FLNB: variants seen among roughly 807,000 people sequenced by gnomAD.
FLNB encodes the protein filamin B.
FLNB carries 111 observed loss-of-function variants against 250.6 expected under a neutral mutation model. That is an observed-to-expected ratio of 0.44 (90% CI 0.38 to 0.52). The LOEUF (loss-of-function observed/expected upper bound fraction) is 0.52. Ranked by LOEUF, FLNB falls within the 20% of genes least tolerant of loss-of-function variation. FLNB has a pLI of 0.00. For missense variants in FLNB, 2,869 were observed against 3,447.8 expected (o/e 0.83, Z 4.20); for synonymous variants, 1,302 against 1,372.1 (o/e 0.95, Z 1.13).
intron 1 of FLNB, among the ~76,000 whole-genome samples, chr3:58,059,456 T>C (rs1350892038): frequency 6.6e-6 from 1 of 152,120 alleles, no homozygotes; most frequent in Non-Finnish European, 1.5e-5. Flanking sequence ...TGCTCTGAGA[T>C]GTAGACACTG....
At chr3:58,145,648 G>A (rs959491408) in intron 32 of FLNB, among the ~76,000 whole-genome samples, 1 of 151,986 alleles carries the variant, frequency 6.6e-6, no homozygotes, top group African/African-American at 2.4e-5. Flanking sequence ...AGGTTGGGCT[G>A]GTACCTTACC....
intron 1 of FLNB, among the ~76,000 whole-genome samples, chr3:58,017,142 T>G (rs2097106826): frequency 6.6e-6 from 1 of 152,234 alleles, no homozygotes; most frequent in South Asian, 2.1e-4. Context: ...TCTTTATGAC[T>G]GAAGTGATGA....
At chr3:58,149,558 T>TC (rs1253682429) in intron 36 of FLNB, 2 of 473,066 alleles carry the variant, frequency 4.2e-6, no homozygotes, top group African/African-American at 2.0e-5. Context: ...GGGCAGAAGG[T>TC]CCTCCCCAGC....
intron 1 of FLNB, among the ~76,000 whole-genome samples, chr3:58,028,690 T>C (rs542086984): frequency 1.3e-5 from 2 of 150,556 alleles, no homozygotes; most frequent in East Asian, 4.0e-4. Context: ...CTCAGCTCAC[T>C]GCAACCTCCG....
chr3:58,146,899 GA>G lies in FLNB; in HGVS notation c.5635del (p.Thr1879ProfsTer40). On this transcript the variant is annotated frameshift_variant, in exon 34 of 46. Coordinates refer to ENST00000295956, the MANE Select transcript of FLNB (RefSeq NM_001457.4). LOFTEE classifies it high-confidence loss of function. Reference sequence around the variant, plus strand: ...ACAATAAAGATGGGACATGCACAGTGACCTACCTGCCGACTCTGCCAGGCGA... The same window carrying G: ...ACAATAAAGATGGGACATGCACAGTGCCTACCTGCCGACTCTGCCAGGCGA... ...IDNKDGTCTV[T>X]YLPTLPGDYS... The G allele has an allele frequency of 6.2e-7, 1 of 1,614,184 alleles. No individual in the cohort carries two copies. The highest frequency in any genetic ancestry group is 8.5e-7 in the Non-Finnish European group (1 of 1,180,036).
chr3:58,028,549 G>C (rs543435573), intron 1 of FLNB, among the ~76,000 whole-genome samples: 62 of 151,636 alleles, frequency 4.1e-4, no homozygotes, highest in African/African-American at 1.5e-3. Context: ...TTGTGGCCAG[G>C]AGTTTGAGAC....
chr3:58,051,997 G>C (rs967058380), intron 1 of FLNB, among the ~76,000 whole-genome samples: 11 of 151,958 alleles, frequency 7.2e-5, no homozygotes, highest in Non-Finnish European at 1.3e-4. Flanking sequence ...AGTGATTCTC[G>C]TGCCTCAGCC....
At chr3:58,035,099 T>A (rs839232) in intron 1 of FLNB, among the ~76,000 whole-genome samples, 113,922 of 152,054 alleles carry the variant, frequency 0.75, 43,691 homozygotes, top group East Asian at 0.95. Flanking sequence ...GCTTCCTGTG[T>A]CACTAGGTTG....
chr3:58,087,092 A>G (rs1192149555), intron 4 of FLNB, among the ~76,000 whole-genome samples: 1 of 146,506 alleles, frequency 6.8e-6, no homozygotes, highest in Non-Finnish European at 1.5e-5. Context: ...GGCTGGCGAC[A>G]GAGCTAGACT....
At chr3:58,101,761 A>G (rs2097251576) in intron 8 of FLNB, among the ~76,000 whole-genome samples, 1 of 152,200 alleles carries the variant, frequency 6.6e-6, no homozygotes, top group Non-Finnish European at 1.5e-5. Context: ...TGGCTGACCC[A>G]GGTTTTGGAA....
chr3:58,018,396 G>A (rs2097108940), intron 1 of FLNB, among the ~76,000 whole-genome samples: 1 of 141,038 alleles, frequency 7.1e-6, no homozygotes, highest in South Asian at 2.2e-4. Context: ...GTGTAGTGGT[G>A]CAATCTTGGC....
chr3:58,159,007 C>A (rs983210143), intron 41 of FLNB, among the ~76,000 whole-genome samples: 1 of 151,664 alleles, frequency 6.6e-6, no homozygotes, highest in Non-Finnish European at 1.5e-5. Context: ...GTTTGGCACC[C>A]TAGATATATA....
At chr3:58,046,596 C>T (rs1442562505) in intron 1 of FLNB, among the ~76,000 whole-genome samples, 1 of 152,058 alleles carries the variant, frequency 6.6e-6, no homozygotes, top group African/African-American at 2.4e-5. Flanking sequence ...ATTATAGGTG[C>T]ATGCCACCAC....
chr3:58,133,505 A>T (rs912940967), intron 26 of FLNB, among the ~76,000 whole-genome samples: 22 of 145,218 alleles, frequency 1.5e-4, no homozygotes, highest in East Asian at 6.4e-4. Context: ...TAAATAATTT[A>T]TTAGTTTATT....
chr3:58,099,629 C>T (rs2097245987), intron 8 of FLNB, among the ~76,000 whole-genome samples: 2 of 152,172 alleles, frequency 1.3e-5, no homozygotes, highest in African/African-American at 4.8e-5. Context: ...TCTGAATCTG[C>T]GTCTGCAGAC....
At chr3:58,008,977 G>A in intron 1 of FLNB, 121 bp downstream of exon 1, 3 of 1,223,716 alleles carry the variant, frequency 2.5e-6, no homozygotes, top group Non-Finnish European at 3.6e-6. Context: ...AGGGGGAGTC[G>A]TCCCCAGGGG....
At chr3:58,062,844 A>G (rs537665762) in intron 1 of FLNB, among the ~76,000 whole-genome samples, 1 of 152,292 alleles carries the variant, frequency 6.6e-6, no homozygotes, top group East Asian at 1.9e-4. Flanking sequence ...CTTGAACCAG[A>G]ATTGAATGGC....
chr3:58,134,503 T>C (rs2097312925), intron 26 of FLNB, 113 bp from the exon 27 acceptor site: 2 of 1,238,322 alleles, frequency 1.6e-6, no homozygotes, highest in East Asian at 2.3e-5. Flanking sequence ...CACTGTCTTA[T>C]CTGCTGTAGA....
intron 11 of FLNB, among the ~76,000 whole-genome samples, chr3:58,106,469 T>C (rs1559696917): frequency 6.7e-6 from 1 of 148,618 alleles, no homozygotes; most frequent in Non-Finnish European, 1.5e-5. Context: ...GGCCTACATT[T>C]GAAAAAAAAA....
Sources: gnomAD v4.1 joint callset for allele counts (sites outside exome capture counted in the v4.1 genomes callset) on GRCh38, gnomAD v4.1.1 for gene constraint, MANE v1.5 for transcripts, NCBI Gene and HGNC (gene_info 2026-07-23, HGNC 2026-07-21) for gene names.